Variants in CA3 observed in about 807,000 individuals in gnomAD.
The protein encoded by CA3 is carbonic anhydrase 3, also known as CA-III.
A neutral mutation model predicts 35.7 loss-of-function variants in CA3; 30 were observed. The observed-to-expected ratio is 0.84, with a 90% CI of 0.63 to 1.14. The LOEUF (loss-of-function observed/expected upper bound fraction) is 1.14. CA3 is among the 50% of genes most tolerant of loss of function. The pLI, the probability that CA3 is intolerant of heterozygous loss-of-function variation, is 0.00. For missense variants in CA3, 295 were observed against 328.5 expected, an observed-to-expected ratio of 0.90 and a Z score of 0.79; for synonymous variants, 131 against 130.8, an observed-to-expected ratio of 1.00 and a Z score of -0.01.
Position 85,446,234 on chromosome 8 carries a change from G to A in CA3, c.600G>A (p.Pro200=), listed in dbSNP as rs562539925. 5.8e-5 allele frequency: 93 copies of A among 1,614,168 alleles called. No homozygotes were observed. Among genetic ancestry groups the A allele is most frequent in the East Asian group, 1.8e-4 (8 of 44,880 alleles). The part of the protein sequence containing the change: ...YWTYQGSFTT[P]PCEECIVWLL... Reference sequence around the variant, plus strand: ...CCTACCAGGGCTCATTCACCACGCCGCCCTGCGAGGAATGCATTGTGTGGC... The same window carrying A: ...CCTACCAGGGCTCATTCACCACGCCACCCTGCGAGGAATGCATTGTGTGGC... The change falls in exon 6 of 7, where the codon CCG becomes CCA. Residue 200 remains proline (P), a synonymous_variant. Coordinates refer to ENST00000285381, the MANE Select transcript of CA3 (RefSeq NM_005181.4).
intron 2 of CA3, among the ~76,000 whole-genome samples, chr8:85,441,316 T>C (rs145107520): frequency 1.4e-3 from 207 of 152,342 alleles, no homozygotes; most frequent in African/African-American, 4.4e-3. Context: ...GAGATGTTTA[T>C]CAACAAGCCC....
In CA3 at chr8:85,442,113, C is replaced by A. The variant is rs766044822; in HGVS notation, c.273C>A (p.Arg91=). ...GGPLPGPYRL[R]QFHLHWGSSD... is the part of the protein sequence containing the mutation. Reference sequence around the variant, plus strand: ...CTCTCCCTGGACCCTACCGACTTCGCCAGTTTCATCTTCACTGGGGCTCTT... The same window carrying A: ...CTCTCCCTGGACCCTACCGACTTCGACAGTTTCATCTTCACTGGGGCTCTT... The change falls in exon 3 of 7, where the codon CGC becomes CGA. Residue 91 remains arginine, a synonymous_variant. Coordinates refer to ENST00000285381, the MANE Select transcript of CA3 (RefSeq NM_005181.4). The A allele has an allele frequency of 1.6e-5, 26 of 1,609,194 alleles. No homozygotes were observed. The highest frequency in any genetic ancestry group is 2.0e-5 in the Non-Finnish European group (23 of 1,175,506).
chr8:85,440,073 T>C (rs1811187462), intron 2 of CA3, among the ~76,000 whole-genome samples, 164 bp downstream of exon 2: 1 of 152,232 alleles, frequency 6.6e-6, no homozygotes, highest in South Asian at 2.1e-4. Flanking sequence ...ATTATATTTA[T>C]GTATTGAAGA....
At chr8:85,440,377 T>C (rs1005606772) in intron 2 of CA3, among the ~76,000 whole-genome samples, 1 of 152,130 alleles carries the variant, frequency 6.6e-6, no homozygotes, top group Non-Finnish European at 1.5e-5. Context: ...GTGACCAATC[T>C]AGGGGAGAGA....
chr8:85,439,296 G>A (rs1024890815), intron 1 of CA3, among the ~76,000 whole-genome samples: 47 of 152,284 alleles, frequency 3.1e-4, no homozygotes, highest in African/African-American at 1.0e-3. Context: ...TGAGCTTGGT[G>A]CCGGTGTGAG....
Position 85,445,156 on chromosome 8 carries a change from A to T in CA3, c.445A>T (p.Ile149Leu). The change falls in exon 5 of 7, where the codon ATA becomes TTA. Residue 149 changes from isoleucine (I) to leucine (L), a missense_variant and splice_region_variant. Physicochemically the swap from Ile to Leu is conservative, Grantham distance 5. Coordinates refer to ENST00000285381, the MANE Select transcript of CA3 (RefSeq NM_005181.4). ...TACTTGGATTTCTGTTTTCTTACAGATAGGACATGAGAATGGCGAGTTCCA... is the reference window on the plus strand; with the variant it reads ...TACTTGGATTTCTGTTTTCTTACAGTTAGGACATGAGAATGGCGAGTTCCA... ...GIAVIGIFLK[I>L]GHENGEFQIF... 6.3e-7 allele frequency: 1 copy of T among 1,596,672 alleles called. No individual in the cohort carries two copies. Among genetic ancestry groups the T allele is most frequent in the Admixed American group, 1.7e-5 (1 of 58,574 alleles).
intron 2 of CA3, chr8:85,441,838 A>G (rs957255916): frequency 8.1e-6 from 4 of 496,244 alleles, no homozygotes; most frequent in African/African-American, 7.7e-5. Context: ...ATGATGTTTC[A>G]ATAATAATGA....
intron 3 of CA3, chr8:85,442,549 C>CA (rs374765342): frequency 5.5e-6 from 1 of 181,160 alleles, no homozygotes; most frequent in Admixed American, 5.7e-5. Context: ...CCTGTCTCTA[C>CA]AAAAAATACA....
intron 3 of CA3, among the ~76,000 whole-genome samples, chr8:85,443,562 C>T (rs1191149540): frequency 1.3e-5 from 2 of 152,174 alleles, no homozygotes; most frequent in Non-Finnish European, 2.9e-5. Context: ...ATTGAGAATG[C>T]CTTCTAGACA....
chr8:85,442,824 G>A (rs544677938), intron 3 of CA3, among the ~76,000 whole-genome samples: 2 of 152,308 alleles, frequency 1.3e-5, no homozygotes, highest in African/African-American at 4.8e-5. Flanking sequence ...ATGCTTACAT[G>A]TATTAACTCA....
intron 2 of CA3, among the ~76,000 whole-genome samples, chr8:85,440,901 A>G (rs1375695434): frequency 6.6e-6 from 1 of 152,228 alleles, no homozygotes; most frequent in Non-Finnish European, 1.5e-5. Context: ...TTTTGAAAGC[A>G]ACATAACAAA....
chr8:85,440,343 C>T (rs1811190478), intron 2 of CA3, among the ~76,000 whole-genome samples: 1 of 152,200 alleles, frequency 6.6e-6, no homozygotes, highest in Admixed American at 6.5e-5. Flanking sequence ...TAAATAGGCA[C>T]TTTCTTCCCT....
intron 2 of CA3, among the ~76,000 whole-genome samples, chr8:85,441,278 G>A (rs1811203275): frequency 6.6e-6 from 1 of 152,090 alleles, no homozygotes; most frequent in Non-Finnish European, 1.5e-5. Context: ...GAAGACATTT[G>A]AACCTCTAAA....
At chr8:85,443,132 ACACG>A (rs1459067346) in intron 3 of CA3, among the ~76,000 whole-genome samples, 1 of 152,214 alleles carries the variant, frequency 6.6e-6, no homozygotes, top group African/African-American at 2.4e-5. Context: ...ATATTTACAC[ACACG>A]TAGAGATATG....
chr8:85,447,959 T>G (rs1374152314), intron 6 of CA3, 75 bp from the exon 7 acceptor site: 1 of 1,431,500 alleles, frequency 7.0e-7, no homozygotes, highest in African/African-American at 1.4e-5. Flanking sequence ...CCCAGCAGTA[T>G]TTATACCTCT....
chr8:85,448,908 A>G lies in CA3; in HGVS notation c.*755A>G, dbSNP rs1278297861. 1 of 152,230 alleles carries G rather than the reference A, an allele frequency of 6.6e-6. No homozygotes were observed. Among genetic ancestry groups the G allele is most frequent in the East Asian group, 1.9e-4 (1 of 5,200 alleles). The allele number at this position is 152,230 out of a possible 1,614,324, so 9.4% of individuals were successfully genotyped here. On this transcript the variant is annotated 3_prime_UTR_variant, in exon 7 of 7. Coordinates refer to ENST00000285381, the MANE Select transcript of CA3 (RefSeq NM_005181.4). Reference sequence around the variant, plus strand: ...TTTTCTTTGCATGATTATTAAAATAAAAACTGCCTCTGTTGTGTTTCTCAC... The same window carrying G: ...TTTTCTTTGCATGATTATTAAAATAGAAACTGCCTCTGTTGTGTTTCTCAC...
At position 85,442,160 on chromosome 8, in the gene CA3, A is replaced by G; in HGVS notation, c.320A>G (p.His107Arg). 6.2e-7 allele frequency: 1 copy of G among 1,605,832 alleles called. No homozygotes were observed. The highest frequency in any genetic ancestry group is 1.1e-5 in the South Asian group (1 of 90,892). Reference protein sequence around the residue: ...WGSSDDHGSEHTVDGVKYAAE... With the variant: ...WGSSDDHGSERTVDGVKYAAE... ...TCTTCGGATGATCATGGCTCTGAGC[A>G]CACCGTGGATGGAGTCAAGTATGCA... The change falls in exon 3 of 7, where the codon CAC (histidine) becomes CGC (arginine). Residue 107 changes from histidine to arginine, a missense_variant. By Grantham distance (29) the His-to-Arg change is conservative (BLOSUM62 0). Transcript: ENST00000285381.
intron 1 of CA3, among the ~76,000 whole-genome samples, chr8:85,439,374 C>T (rs1447653912): frequency 1.3e-5 from 2 of 152,150 alleles, no homozygotes; most frequent in African/African-American, 4.8e-5. Flanking sequence ...CTGAAACCCA[C>T]AACACAATGC....
intron 2 of CA3, 162 bp from the exon 3 acceptor site, chr8:85,441,911 C>T: frequency 1.7e-6 from 1 of 580,604 alleles, no homozygotes; most frequent in Non-Finnish European, 3.1e-6. Context: ...TATCCCCAGA[C>T]TTCATTTTGT....
Sources: gnomAD v4.1 joint callset for allele counts (sites outside exome capture counted in the v4.1 genomes callset) on GRCh38, gnomAD v4.1.1 for gene constraint, MANE v1.5 for transcripts, NCBI Gene and HGNC (gene_info 2026-07-23, HGNC 2026-07-21) for gene names.